Variants in DIAPH3 observed in about 807,000 individuals in gnomAD.
DIAPH3 encodes diaphanous related formin 3.
A neutral mutation model predicts 144.3 loss-of-function variants in DIAPH3; 117 were observed. The ratio of observed to expected loss-of-function variants is 0.81; its 90% CI spans 0.70 to 0.95. The LOEUF (loss-of-function observed/expected upper bound fraction) is 0.95. Ranked by LOEUF, DIAPH3 falls within the 40% of genes least tolerant of loss-of-function variation. The pLI is 0.00. For missense variants in DIAPH3, 1,421 were observed against 1,412.7 expected (o/e 1.01, Z -0.09); for synonymous variants, 519 against 488.9 (o/e 1.06, Z -0.81).
intron 27 of DIAPH3, among the ~76,000 whole-genome samples, chr13:59,710,191 C>T (rs887231707): frequency 5.3e-5 from 8 of 149,966 alleles, no homozygotes; most frequent in Non-Finnish European, 1.0e-4. Context: ...CACATGTATA[C>T]ATATGTAACT....
rs558391294 is a variant in DIAPH3, at chr13:59,923,874, G to A, written c.2170+901C>T. 9.2e-5 allele frequency among the ~76,000 whole-genome samples: 14 copies of A among 152,262 alleles called. No homozygotes were observed. The South Asian group carries it at 2.5e-3, about 27-fold the overall frequency. ...GGAGGTTCTGAAATTTTCATAAAAGGAATGCCAACTCTACCATTTGAATAT... is the reference window on the plus strand; with the variant it reads ...GGAGGTTCTGAAATTTTCATAAAAGAAATGCCAACTCTACCATTTGAATAT... On this transcript the variant is annotated intron_variant, in intron 18 of 27. Coordinates refer to ENST00000400324, the MANE Select transcript of DIAPH3 (RefSeq NM_001042517.2).
chr13:59,760,510 T>A (rs2037523699), intron 27 of DIAPH3, among the ~76,000 whole-genome samples: 1 of 152,198 alleles, frequency 6.6e-6, no homozygotes. Flanking sequence ...TACAACAAGA[T>A]GTTTTAACAT....
At chr13:60,000,911 T>C (rs2052486431) in intron 9 of DIAPH3, among the ~76,000 whole-genome samples, 1 of 152,120 alleles carries the variant, frequency 6.6e-6, no homozygotes, top group Non-Finnish European at 1.5e-5. Flanking sequence ...ATAAAACCAA[T>C]GTATAGGAAC....
intron 22 of DIAPH3, among the ~76,000 whole-genome samples, chr13:59,850,393 G>C (rs1316085927): frequency 6.6e-6 from 1 of 151,534 alleles, no homozygotes; most frequent in East Asian, 1.9e-4. Flanking sequence ...TCCCTGTCTT[G>C]TGCCAGTTTT....
intron 18 of DIAPH3, among the ~76,000 whole-genome samples, chr13:59,923,130 T>C (rs1176250813): frequency 1.3e-5 from 2 of 152,116 alleles, no homozygotes; most frequent in Non-Finnish European, 2.9e-5. Flanking sequence ...CATAAATAAA[T>C]AACCGTGTTC....
intron 24 of DIAPH3, among the ~76,000 whole-genome samples, chr13:59,825,579 T>C (rs1179503074): frequency 2.6e-5 from 4 of 152,146 alleles, no homozygotes; most frequent in Non-Finnish European, 5.9e-5. Flanking sequence ...TCAAATGGTA[T>C]TTCTAGTTCT....
At chr13:59,910,503 G>C (rs1023636815) in intron 20 of DIAPH3, among the ~76,000 whole-genome samples, 3 of 151,962 alleles carry the variant, frequency 2.0e-5, no homozygotes, top group Admixed American at 1.3e-4. Flanking sequence ...GGAGGCAGGC[G>C]GATCACCTGA....
intron 21 of DIAPH3, among the ~76,000 whole-genome samples, chr13:59,862,942 G>A (rs1472768752): frequency 6.6e-6 from 1 of 152,122 alleles, no homozygotes; most frequent in Non-Finnish European, 1.5e-5. Flanking sequence ...TTAAACCTCA[G>A]AGGAATAAAC....
intron 17 of DIAPH3, among the ~76,000 whole-genome samples, chr13:59,956,844 GC>G (rs936224306): frequency 6.6e-6 from 1 of 152,182 alleles, no homozygotes; most frequent in Non-Finnish European, 1.5e-5. Context: ...CACACCTCTT[GC>G]ATTAGTGTGA....
intron 25 of DIAPH3, among the ~76,000 whole-genome samples, chr13:59,810,169 T>A (rs891203057): frequency 1.3e-5 from 2 of 152,138 alleles, no homozygotes; most frequent in African/African-American, 4.8e-5. Context: ...TTCTTTTTGT[T>A]GTTTTTTTGA....
intron 3 of DIAPH3, among the ~76,000 whole-genome samples, chr13:60,104,005 C>T (rs781225319): frequency 2.0e-4 from 30 of 152,046 alleles, no homozygotes; most frequent in Admixed American, 3.9e-4. Flanking sequence ...CATTCAAGGT[C>T]ATTATACACT....
chr13:60,084,043 T>C lies in DIAPH3; in HGVS notation c.495+9585A>G, dbSNP rs140219946. Reference sequence around the variant, plus strand: ...ATAGATAGATAGATAGATAGATAGATAGATAGATAGATAGATAGAAAGAAT... The same window carrying C: ...ATAGATAGATAGATAGATAGATAGACAGATAGATAGATAGATAGAAAGAAT... On this transcript the variant is annotated intron_variant, in intron 4 of 27. Coordinates refer to ENST00000400324, the MANE Select transcript of DIAPH3 (RefSeq NM_001042517.2). 3.1e-3 allele frequency among the ~76,000 whole-genome samples: 477 copies of C among 151,760 alleles called. 2 individuals carry two copies. The highest frequency in any genetic ancestry group is 0.017 in the Middle Eastern group (5 of 294).
intron 27 of DIAPH3, among the ~76,000 whole-genome samples, chr13:59,733,116 C>T (rs1469801563): frequency 6.6e-6 from 1 of 152,088 alleles, no homozygotes; most frequent in Admixed American, 6.6e-5. Flanking sequence ...TATCTACATT[C>T]TTTAATTTCT....
chr13:59,690,023 CAG>C (rs2033421094), intron 27 of DIAPH3, among the ~76,000 whole-genome samples: 1 of 151,974 alleles, frequency 6.6e-6, no homozygotes, highest in African/African-American at 2.4e-5. Context: ...AACCAAGGCC[CAG>C]AGATATTAAC....
rs111661289 is a variant in DIAPH3 at position 60,119,013 on chromosome 13, G to GT, written c.214-6828dup. The stretch of plus-strand genomic sequence containing the variant: ...AACTCTGTCTCTTTCCAACTAAAAT[G>GT]TAAGTGCCATGCTAGACAAACCATC... On this transcript the variant is annotated intron_variant, in intron 2 of 27. Coordinates refer to ENST00000400324, the MANE Select transcript of DIAPH3 (RefSeq NM_001042517.2). Among the ~76,000 whole-genome samples the GT allele has an allele frequency of 6.0e-3, 918 of 152,230 alleles. 9 individuals carry two copies. Among genetic ancestry groups the GT allele is most frequent in the African/African-American group, 0.021 (867 of 41,546 alleles).
intron 27 of DIAPH3, among the ~76,000 whole-genome samples, chr13:59,738,802 T>A (rs1207759432): frequency 6.6e-6 from 1 of 152,338 alleles, no homozygotes; most frequent in Middle Eastern, 3.4e-3. Context: ...ACTTGAAATG[T>A]ATCTTTTCAA....
At chr13:59,999,436 T>C (rs530665160) in intron 9 of DIAPH3, among the ~76,000 whole-genome samples, 9 of 151,196 alleles carry the variant, frequency 6.0e-5, no homozygotes, top group African/African-American at 1.9e-4. Flanking sequence ...GATTGAAGAG[T>C]TTTTTTTTAA....
rs559898693 is a variant in DIAPH3 at position 59,745,488 on chromosome 13, G to T, written c.3319+28701C>A. 1.7e-3 allele frequency among the ~76,000 whole-genome samples: 256 copies of T among 152,228 alleles called. 1 individual carries two copies. Among genetic ancestry groups the T allele is most frequent in the Non-Finnish European group, 3.0e-3 (203 of 67,994 alleles). On this transcript the variant is annotated intron_variant, in intron 27 of 27. Coordinates refer to ENST00000400324, the MANE Select transcript of DIAPH3 (RefSeq NM_001042517.2). ...AGGAAATTGACTCACAAAAAAAAAT[G>T]ACTAGTGTTTGTAATAGAGATATTC...
intron 17 of DIAPH3, among the ~76,000 whole-genome samples, chr13:59,927,103 CAA>C (rs140280293): frequency 0.01 from 1,576 of 152,224 alleles, 16 homozygotes; most frequent in South Asian, 0.017. Context: ...CTCTTTTTGA[CAA>C]AGTCTGTTTT....
Sources: allele counts gnomAD v4.1 joint callset (sites outside exome capture counted in the v4.1 genomes callset), GRCh38; gene constraint gnomAD v4.1.1; transcripts MANE v1.5; gene names NCBI Gene and HGNC (gene_info 2026-07-23, HGNC 2026-07-21).